CCNA2: variants seen among roughly 807,000 people sequenced by gnomAD.
CCNA2 encodes the protein cyclin-A2.
In CCNA2, 3 loss-of-function variants were observed where a neutral mutation model predicts 49.4. The observed-to-expected ratio is 0.06, with a 90% confidence interval of 0.03 to 0.16. The LOEUF is 0.16. Ranked by LOEUF, CCNA2 falls within the 10% of genes least tolerant of loss-of-function variation. The pLI, the probability that CCNA2 is intolerant of heterozygous loss-of-function variation, is 1.00. For synonymous variants in CCNA2, 206 were observed against 197.2 expected (o/e 1.04, Z -0.37); for missense variants, 372 against 519.7 (o/e 0.72, Z 2.76).
At position 121,821,103 on chromosome 4, in the gene CCNA2, C is replaced by G. The variant is rs5031014; in HGVS notation, c.458-12G>C. 1.1e-4 allele frequency: 176 copies of G among 1,601,018 alleles called. No homozygotes were observed. In the African/African-American group the frequency reaches 1.9e-3, roughly 18 times the overall value. ...AGTATGTGGTGACTCTGGGACAATT[C>G]AAAAGATATGATTAAATTAATTGTT... On this transcript the variant is annotated splice_polypyrimidine_tract_variant and intron_variant, in intron 2 of 7. Coordinates refer to ENST00000274026, the MANE Select transcript of CCNA2 (RefSeq NM_001237.5).
At chr4:121,818,978 C>A (rs1230098591) in intron 5 of CCNA2, 65 bp from the exon 6 acceptor site, 2 of 1,062,122 alleles carry the variant, frequency 1.9e-6, no homozygotes, top group Admixed American at 3.7e-5. Context: ...CCTCTGCCTT[C>A]TAACCTAATT....
intron 2 of CCNA2, among the ~76,000 whole-genome samples, 159 bp downstream of exon 2, chr4:121,822,244 G>A (rs1724706698): frequency 6.6e-6 from 1 of 152,186 alleles, no homozygotes; most frequent in Non-Finnish European, 1.5e-5. Context: ...TGTTAGCTGT[G>A]AGATCTGAGA....
At chr4:121,822,692 T>C in intron 1 of CCNA2, 46 bp from the exon 2 acceptor site, 1 of 1,590,056 alleles carries the variant, frequency 6.3e-7, no homozygotes, top group Non-Finnish European at 8.6e-7. Context: ...AGTCTTGCAT[T>C]CTTTCTCTTA....
At position 121,817,608 on chromosome 4, in the gene CCNA2, A is replaced by G. The variant is rs770657777; in HGVS notation, c.*30T>C. 6.2e-6 allele frequency: 10 copies of G among 1,613,492 alleles called. No individual in the cohort carries two copies. The highest frequency in any genetic ancestry group is 1.3e-5 in the African/African-American group (1 of 74,922). ...ACACCATATACTTTGAGTGATTTAC[A>G]TCTTAGAAAACAAAGGCAGTCTTTC... On this transcript the variant is annotated 3_prime_UTR_variant, in exon 8 of 8. Transcript: ENST00000274026.
chr4:121,819,265 C>A, intron 5 of CCNA2, 107 bp downstream of exon 5: 1 of 775,786 alleles, frequency 1.3e-6, no homozygotes, highest in Non-Finnish European at 2.1e-6. Flanking sequence ...TACTAAATCT[C>A]TTCACCACTG....
chr4:121,823,758 AC>A lies in CCNA2; in HGVS notation c.-131del. On this transcript the variant is annotated 5_prime_UTR_variant, in exon 1 of 8. Transcript: ENST00000274026. ...CGCCGGTCGCAGCCCAGGCCAGCCT[AC>A]CAGCCCGCCCGCTCGCTCACCCAGC... is the stretch of plus-strand genomic sequence containing the variant. 7.0e-7 allele frequency: 1 copy of A among 1,429,006 alleles called. No individual in the cohort carries two copies. The highest frequency in any genetic ancestry group is 2.8e-5 in the Admixed American group (1 of 36,140). The allele number at this position is 1,429,006 out of a possible 1,614,324, so 88.5% of individuals were successfully genotyped here. A position where few individuals can be genotyped will look rare whatever the true frequency, so the allele number is the denominator to read the frequency against.
At position 121,823,800 on chromosome 4, in the gene CCNA2, G is replaced by A; in HGVS notation, c.-172C>T. 1 of 1,281,218 alleles carries A rather than the reference G, an allele frequency of 7.8e-7. No homozygotes were observed. Among genetic ancestry groups the A allele is most frequent in the Non-Finnish European group, 1.0e-6 (1 of 968,244 alleles). 79.4% of individuals were successfully genotyped at this position (1,281,218 alleles called of 1,614,324 possible). On this transcript the variant is annotated 5_prime_UTR_variant, in exon 1 of 8. Coordinates refer to ENST00000274026, the MANE Select transcript of CCNA2 (RefSeq NM_001237.5). Reference sequence around the variant, plus strand: ...CTCACCCAGCTCGAGACCACGCAGGGCCGAGGAGGTTGCGAAAGGCGCAGG... The same window carrying A: ...CTCACCCAGCTCGAGACCACGCAGGACCGAGGAGGTTGCGAAAGGCGCAGG...
chr4:121,823,747 C>T lies in CCNA2; in HGVS notation c.-119G>A. On this transcript the variant is annotated 5_prime_UTR_variant, in exon 1 of 8. Coordinates refer to ENST00000274026, the MANE Select transcript of CCNA2 (RefSeq NM_001237.5). ...ATAGTCGTAGCCGCCGGTCGCAGCC[C>T]AGGCCAGCCTACCAGCCCGCCCGCT... 2 of 1,443,436 alleles carry T rather than the reference C, an allele frequency of 1.4e-6. No individual in the cohort carries two copies. Among genetic ancestry groups the T allele is most frequent in the Non-Finnish European group, 1.8e-6 (2 of 1,101,830 alleles). The allele number at this position is 1,443,436 out of a possible 1,614,324, so 89.4% of individuals were successfully genotyped here.
At position 121,817,627 on chromosome 4, in the gene CCNA2, G is replaced by GTCTT. The variant is rs774377841; in HGVS notation, c.*7_*10dup. ...ATTTACATCTTAGAAAACAAAGGCA[G>GTCTT]TCTTTCATTGTTACAGATTTAGTGT... On this transcript the variant is annotated 3_prime_UTR_variant, in exon 8 of 8. Coordinates refer to ENST00000274026, the MANE Select transcript of CCNA2 (RefSeq NM_001237.5). 4.3e-6 allele frequency: 7 copies of GTCTT among 1,613,812 alleles called. No homozygotes were observed. Among genetic ancestry groups the GTCTT allele is most frequent in the Non-Finnish European group, 4.2e-6 (5 of 1,179,882 alleles).
At chr4:121,819,173 G>A (rs1724629247) in intron 5 of CCNA2, among the ~76,000 whole-genome samples, 199 bp downstream of exon 5, 1 of 152,094 alleles carries the variant, frequency 6.6e-6, no homozygotes, top group African/African-American at 2.4e-5. Context: ...TTAGACCTCT[G>A]CTTCTAGTGC....
chr4:121,817,715 T>G (rs1176162520), intron 7 of CCNA2, 29 bp from the exon 8 acceptor site: 1 of 1,613,366 alleles, frequency 6.2e-7, no homozygotes, highest in Non-Finnish European at 8.5e-7. Context: ...AAAGCATTTT[T>G]AGTAAACACT....
chr4:121,816,669 T>A lies in CCNA2; in HGVS notation c.*969A>T, dbSNP rs1371097763. The A allele has an allele frequency of 1.7e-6, 2 of 1,190,436 alleles. No homozygotes were observed. The highest frequency in any genetic ancestry group is 1.7e-5 in the South Asian group (1 of 57,628). 73.7% of individuals were successfully genotyped at this position (1,190,436 alleles called of 1,614,324 possible). ...CTTGGATGCCAGTCTTACTCATAGC[T>A]GACACATTTTAGATCCTACTGGAAA... On this transcript the variant is annotated 3_prime_UTR_variant, in exon 8 of 8. Transcript: ENST00000274026.
chr4:121,823,036 A>C (rs1724730689), intron 1 of CCNA2, among the ~76,000 whole-genome samples: 1 of 152,208 alleles, frequency 6.6e-6, no homozygotes, highest in African/African-American at 2.4e-5. Context: ...ACGCTTTTCT[A>C]AAGTAGAGGT....
In CCNA2 at chr4:121,817,399, C is replaced by T. The variant is rs1724565330; in HGVS notation, c.*239G>A. ...TTTCCAAATCAATTTATTATCCTGA[C>T]AGCTGGCATCATTAATACTTTAACA... On this transcript the variant is annotated 3_prime_UTR_variant, in exon 8 of 8. Transcript: ENST00000274026. 1 of 396,898 alleles carries T rather than the reference C, an allele frequency of 2.5e-6. No individual in the cohort carries two copies. The highest frequency in any genetic ancestry group is 2.1e-5 in the African/African-American group (1 of 47,994). The allele number at this position is 396,898 out of a possible 1,614,324, so 24.6% of individuals were successfully genotyped here.
Position 121,816,668 on chromosome 4 carries a change from C to G in CCNA2, c.*970G>C, listed in dbSNP as rs1444229895. ...TCTTGGATGCCAGTCTTACTCATAG[C>G]TGACACATTTTAGATCCTACTGGAA... On this transcript the variant is annotated 3_prime_UTR_variant, in exon 8 of 8. Coordinates refer to ENST00000274026, the MANE Select transcript of CCNA2 (RefSeq NM_001237.5). The G allele has an allele frequency of 3.4e-6, 4 of 1,182,656 alleles. No homozygotes were observed. The African/African-American group carries it at 6.4e-5, about 19-fold the overall frequency. The allele number at this position is 1,182,656 out of a possible 1,614,324, so 73.3% of individuals were successfully genotyped here. A position where few individuals can be genotyped will look rare whatever the true frequency, so the allele number is the denominator to read the frequency against.
intron 2 of CCNA2, 57 bp from the exon 3 acceptor site, chr4:121,821,148 C>A: frequency 6.4e-7 from 1 of 1,556,464 alleles, no homozygotes; most frequent in South Asian, 1.2e-5. Context: ...AGTTTAATAG[C>A]TAAAAATGAC....
At position 121,819,550 on chromosome 4, in the gene CCNA2, A is replaced by G. The variant is rs747255270; in HGVS notation, c.824T>C (p.Val275Ala). The change falls in exon 5 of 8, where the codon GTA (valine) becomes GCA (alanine). Residue 275 changes from valine (V) to alanine (A), a missense_variant. Coordinates refer to ENST00000274026, the MANE Select transcript of CCNA2 (RefSeq NM_001237.5). ...ATCTGTAATGTACACAAACTCTGCT[A>G]CTTCTGGGGGGTATATTTCTTCAAA... is the stretch of plus-strand genomic sequence containing the variant. ...SKFEEIYPPE[V>A]AEFVYITDDT... is the part of the protein sequence containing the mutation. 3 of 1,613,696 alleles carry G rather than the reference A, an allele frequency of 1.9e-6. No homozygotes were observed. Among genetic ancestry groups the G allele is most frequent in the East Asian group, 4.5e-5 (2 of 44,866 alleles).
At position 121,817,324 on chromosome 4, in the gene CCNA2, A is replaced by ACTT. The variant is rs1392286195; in HGVS notation, c.*311_*313dup. On this transcript the variant is annotated 3_prime_UTR_variant, in exon 8 of 8. Transcript: ENST00000274026. ...TCCCATTATATAGTAAACCAAGTAA[A>ACTT]CTTCTTTACTAAGCAAAATCCTGAA... The ACTT allele has an allele frequency of 3.7e-6, 1 of 267,742 alleles. No homozygotes were observed. The highest frequency in any genetic ancestry group is 7.0e-6 in the Non-Finnish European group (1 of 142,848). The allele number at this position is 267,742 out of a possible 1,614,324, so 16.6% of individuals were successfully genotyped here.
intron 5 of CCNA2, 75 bp from the exon 6 acceptor site, chr4:121,818,988 T>C: frequency 1.1e-6 from 1 of 944,090 alleles, no homozygotes; most frequent in Non-Finnish European, 1.7e-6. Flanking sequence ...CTAACCTAAT[T>C]TTTTCCTGCC....
Sources: allele counts gnomAD v4.1 joint callset (sites outside exome capture counted in the v4.1 genomes callset), GRCh38; gene constraint gnomAD v4.1.1; transcripts MANE v1.5; gene names NCBI Gene and HGNC (gene_info 2026-07-23, HGNC 2026-07-21).